GLT1D1: variants seen among roughly 807,000 people sequenced by gnomAD.
GLT1D1 encodes the protein glycosyltransferase 1 domain containing 1, also known as glycosyltransferase 1 domain-containing protein 1.
A neutral mutation model predicts 28.7 loss-of-function variants in GLT1D1; 21 were observed. The observed-to-expected ratio is 0.73, with a 90% CI of 0.52 to 1.05. The LOEUF (loss-of-function observed/expected upper bound fraction) is 1.05, where lower values mean the gene tolerates loss of function less well. GLT1D1 is among the 50% of genes least tolerant of loss of function. GLT1D1 has a pLI of 0.00. For synonymous variants in GLT1D1, 147 were observed against 124.8 expected (o/e 1.18, Z -1.19); for missense variants, 343 against 330.6 (o/e 1.04, Z -0.29).
intron 4 of GLT1D1, among the ~76,000 whole-genome samples, chr12:128,906,572 T>C (rs1472956661): frequency 1.3e-5 from 2 of 152,218 alleles, no homozygotes; most frequent in Non-Finnish European, 2.9e-5. Context: ...ATGAGCTATA[T>C]TTAAAAAATC....
chr12:128,937,832 C>A (rs1425338588), intron 4 of GLT1D1, among the ~76,000 whole-genome samples: 1 of 152,188 alleles, frequency 6.6e-6, no homozygotes, highest in Non-Finnish European at 1.5e-5. Flanking sequence ...TTCCCTTCCA[C>A]CATGATTGTA....
chr12:128,869,882 C>A (rs1956639085), intron 1 of GLT1D1, among the ~76,000 whole-genome samples: 2 of 151,798 alleles, frequency 1.3e-5, no homozygotes, highest in Admixed American at 6.6e-5. Flanking sequence ...AGTCACTTTG[C>A]CTGTTAGGTG....
At chr12:128,966,388 G>A (rs192433651) in intron 7 of GLT1D1, among the ~76,000 whole-genome samples, 4 of 152,306 alleles carry the variant, frequency 2.6e-5, no homozygotes, top group South Asian at 2.1e-4. Flanking sequence ...CTGCGGCCAC[G>A]TGGGCATCTC....
intron 1 of GLT1D1, chr12:128,864,253 C>T: frequency 1.8e-6 from 1 of 545,756 alleles, no homozygotes; most frequent in South Asian, 2.3e-5. Flanking sequence ...AGATGAGAAG[C>T]TGAGTGTGGG....
intron 1 of GLT1D1, among the ~76,000 whole-genome samples, chr12:128,855,328 G>A (rs560193202): frequency 5.9e-5 from 9 of 152,052 alleles, no homozygotes; most frequent in Non-Finnish European, 1.0e-4. Flanking sequence ...TTGGGAGGCT[G>A]AGATGGGAGG....
chr12:128,888,744 GGT>G lies in GLT1D1; in HGVS notation c.323+1_323+2del. The G allele has an allele frequency of 6.3e-7, 1 of 1,575,932 alleles. No individual in the cohort carries two copies. The highest frequency in any genetic ancestry group is 8.7e-7 in the Non-Finnish European group (1 of 1,146,988). The stretch of plus-strand genomic sequence containing the variant: ...ATGGGCAGAGTTCTTGAGGAAGCCA[GGT>G]AATACCTGCGAGAATTTCATCCATG... On this transcript the variant is annotated splice_donor_variant, in intron 3 of 7. Transcript: ENST00000281703. LOFTEE classifies it high-confidence loss of function.
At chr12:128,881,219 G>A (rs1394318872) in intron 2 of GLT1D1, among the ~76,000 whole-genome samples, 1,088 of 56,540 alleles carry the variant, frequency 0.019, 9 homozygotes, top group Middle Eastern at 0.052. Flanking sequence ...GCGAGACTCC[G>A]TTTCAAAAAA....
At chr12:128,920,533 A>G (rs1364643310) in intron 4 of GLT1D1, among the ~76,000 whole-genome samples, 2 of 152,180 alleles carry the variant, frequency 1.3e-5, no homozygotes, top group Admixed American at 6.6e-5. Context: ...CAGCCTGGAC[A>G]ACAAGAGTGA....
chr12:128,970,090 G>A (rs1008936070), intron 7 of GLT1D1, among the ~76,000 whole-genome samples: 4 of 152,222 alleles, frequency 2.6e-5, no homozygotes, highest in African/African-American at 9.6e-5. Context: ...AATCAGCTCC[G>A]AAGGCCGTTT....
chr12:128,884,200 G>GTATA (rs35014901), intron 2 of GLT1D1, among the ~76,000 whole-genome samples: 1 of 152,122 alleles, frequency 6.6e-6, no homozygotes, highest in African/African-American at 2.4e-5. Flanking sequence ...AGAAAATGGG[G>GTATA]TATATATATA....
chr12:128,971,302 CTCCT>C (rs10660639), intron 7 of GLT1D1, among the ~76,000 whole-genome samples: 8 of 140,480 alleles, frequency 5.7e-5, no homozygotes, highest in Non-Finnish European at 1.1e-4. Context: ...TCCTCCCTCC[CTCCT>C]TCCTTCCTTC....
chr12:128,976,109 G>T (rs1024237283), intron 7 of GLT1D1, among the ~76,000 whole-genome samples: 2 of 152,202 alleles, frequency 1.3e-5, no homozygotes, highest in Non-Finnish European at 2.9e-5. Flanking sequence ...TCAGATGCAC[G>T]TTCCTCTTCT....
At position 128,926,351 on chromosome 12, in the gene GLT1D1, T is replaced by G; in HGVS notation, c.376-18975T>G. 4 of 1,447,116 alleles carry G rather than the reference T, an allele frequency of 2.8e-6. No homozygotes were observed. In the South Asian group the frequency reaches 4.9e-5, roughly 18 times the overall value. 89.6% of individuals were successfully genotyped at this position (1,447,116 alleles called of 1,614,324 possible). On this transcript the variant is annotated intron_variant, in intron 4 of 7. Coordinates refer to ENST00000281703, the MANE Select transcript of GLT1D1 (RefSeq NM_144669.3). Reference sequence around the variant, plus strand: ...CCACTGAAAACATTCTGAACTCTTCTCTTACAGAGATTAACCAAAGTGCTG... The same window carrying G: ...CCACTGAAAACATTCTGAACTCTTCGCTTACAGAGATTAACCAAAGTGCTG...
chr12:128,962,850 C>T lies in GLT1D1; in HGVS notation c.639+5207C>T, dbSNP rs145245197. Among the ~76,000 whole-genome samples, 529 of 152,110 alleles carry T rather than the reference C, an allele frequency of 3.5e-3. 3 individuals carry two copies. Among genetic ancestry groups the T allele is most frequent in the African/African-American group, 8.1e-3 (337 of 41,508 alleles). Reference sequence around the variant, plus strand: ...CCGAGTAGCTGGGACTACAGGTGTGCGCCACCATGCCCTCTAAGTTTTGTA... The same window carrying T: ...CCGAGTAGCTGGGACTACAGGTGTGTGCCACCATGCCCTCTAAGTTTTGTA... On this transcript the variant is annotated intron_variant, in intron 7 of 7. Coordinates refer to ENST00000281703, the MANE Select transcript of GLT1D1 (RefSeq NM_144669.3).
intron 4 of GLT1D1, among the ~76,000 whole-genome samples, chr12:128,899,829 G>C (rs1232794975): frequency 6.6e-6 from 1 of 152,154 alleles, no homozygotes; most frequent in Non-Finnish European, 1.5e-5. Context: ...CGGGATTACA[G>C]GCATGAGCCA....
chr12:128,866,647 GTC>G (rs1307958726), intron 1 of GLT1D1, among the ~76,000 whole-genome samples: 7 of 139,474 alleles, frequency 5.0e-5, no homozygotes, highest in African/African-American at 1.9e-4. Context: ...TTGAGACCAA[GTC>G]TCTCTCTGTC....
At chr12:128,879,393 T>TCTTTCTTTCTTTCTTC (rs1956959103) in intron 2 of GLT1D1, among the ~76,000 whole-genome samples, 1 of 70,694 alleles carries the variant, frequency 1.4e-5, no homozygotes, top group South Asian at 7.0e-4. Context: ...TTTCTTTCTT[T>TCTTTCTTTCTTTCTTC]CTTTCTTTCT....
intron 4 of GLT1D1, 68 bp from the exon 5 acceptor site, chr12:128,912,356 T>C: frequency 9.9e-7 from 1 of 1,012,918 alleles, no homozygotes; most frequent in Non-Finnish European, 1.4e-6. Flanking sequence ...CTTCATTTTA[T>C]TTCTAAAAAG....
chr12:128,902,523 C>T (rs1433196375), intron 4 of GLT1D1, among the ~76,000 whole-genome samples: 2 of 151,096 alleles, frequency 1.3e-5, no homozygotes, highest in East Asian at 3.9e-4. Flanking sequence ...GAAAAGTTCC[C>T]TGATGCAGCT....
Sources: gnomAD v4.1 joint callset for allele counts (sites outside exome capture counted in the v4.1 genomes callset) on GRCh38, gnomAD v4.1.1 for gene constraint, MANE v1.5 for transcripts, NCBI Gene and HGNC (gene_info 2026-07-23, HGNC 2026-07-21) for gene names.